CFAP20DC: variants seen among roughly 807,000 people sequenced by gnomAD.
The protein encoded by CFAP20DC is protein CFAP20DC.
CFAP20DC carries 84 observed loss-of-function variants against 101.7 expected under a neutral mutation model. The ratio of observed to expected loss-of-function variants is 0.83; its 90% CI spans 0.69 to 0.99. The LOEUF is 0.99. Among genes scored for constraint, CFAP20DC ranks in the 50% least tolerant of loss-of-function variants. The pLI, the probability that CFAP20DC is intolerant of heterozygous loss-of-function variation, is 0.00. For missense variants in CFAP20DC, 1,007 were observed against 970.3 expected (o/e 1.04, Z -0.50); for synonymous variants, 359 against 351.2 (o/e 1.02, Z -0.25).
rs375204045 is a variant in CFAP20DC, at chr3:58,959,357, G to A, written c.279-21595C>T. Among the ~76,000 whole-genome samples the A allele has an allele frequency of 5.3e-5, 8 of 152,334 alleles. No homozygotes were observed. In the East Asian group the frequency reaches 7.7e-4, roughly 15 times the overall value. On this transcript the variant is annotated intron_variant, in intron 4 of 16. Coordinates refer to ENST00000482387, the MANE Select transcript of CFAP20DC (RefSeq NM_001394063.1). ...CATACACCTGCCTCAGCCTCCCAAAGTGTTGGGATTACAGGCGTAAGCCAC... is the reference window on the plus strand; with the variant it reads ...CATACACCTGCCTCAGCCTCCCAAAATGTTGGGATTACAGGCGTAAGCCAC...
intron 14 of CFAP20DC, among the ~76,000 whole-genome samples, chr3:58,827,449 A>T (rs1467353002): frequency 6.6e-6 from 1 of 151,612 alleles, no homozygotes; most frequent in South Asian, 2.1e-4. Flanking sequence ...GAGACAAGCA[A>T]AACTCATTTC....
intron 4 of CFAP20DC, chr3:59,018,599 T>G (rs1404964390): frequency 6.6e-6 from 1 of 152,042 alleles, no homozygotes. Context: ...CAAACTCAAT[T>G]AAGGGGCATT....
At chr3:58,838,244 T>C (rs982036559) in intron 13 of CFAP20DC, among the ~76,000 whole-genome samples, 3 of 152,098 alleles carry the variant, frequency 2.0e-5, no homozygotes, top group African/African-American at 4.8e-5. Flanking sequence ...AGGGTTGCTA[T>C]ATTGAGTTAC....
intron 14 of CFAP20DC, among the ~76,000 whole-genome samples, chr3:58,828,360 G>A (rs182601818): frequency 1.1e-4 from 17 of 152,286 alleles, no homozygotes; most frequent in Admixed American, 8.5e-4. Context: ...GAAATTTGAC[G>A]TCAGAGCTGA....
At chr3:58,990,739 T>C (rs899530821) in intron 4 of CFAP20DC, among the ~76,000 whole-genome samples, 3 of 147,666 alleles carry the variant, frequency 2.0e-5, no homozygotes, top group African/African-American at 5.3e-5. Context: ...ATTTTCAGAT[T>C]TAGGATGCTC....
intron 15 of CFAP20DC, among the ~76,000 whole-genome samples, chr3:58,757,314 T>C (rs189538463): frequency 6.6e-6 from 1 of 152,152 alleles, no homozygotes; most frequent in Non-Finnish European, 1.5e-5. Flanking sequence ...TCATTATACG[T>C]GGAGTTGACT....
chr3:58,954,558 G>C (rs529427845), intron 4 of CFAP20DC, among the ~76,000 whole-genome samples: 1 of 152,102 alleles, frequency 6.6e-6, no homozygotes, highest in Non-Finnish European at 1.5e-5. Context: ...AAAACGTTTC[G>C]ATATATATTA....
At chr3:58,816,443 G>A (rs990662967) in intron 14 of CFAP20DC, among the ~76,000 whole-genome samples, 13 of 152,144 alleles carry the variant, frequency 8.5e-5, no homozygotes, top group Middle Eastern at 3.2e-3. Context: ...TGCACCGTGC[G>A]CGAGCCGAAG....
chr3:58,831,564 T>C (rs760282059), intron 14 of CFAP20DC, 122 bp downstream of exon 14: 28 of 712,062 alleles, frequency 3.9e-5, no homozygotes, highest in Non-Finnish European at 6.2e-5. Context: ...TGGACTCTGA[T>C]TATTTCTCAT....
chr3:58,959,829 A>G (rs61263047), intron 4 of CFAP20DC, among the ~76,000 whole-genome samples: 9,917 of 152,250 alleles, frequency 0.065, 1,057 homozygotes, highest in African/African-American at 0.22. Context: ...AAAAAAGTCT[A>G]ATGAATTTGC....
In CFAP20DC at chr3:58,788,995, A is replaced by G. The variant is rs998931583; in HGVS notation, c.2237+17400T>C. 1.3e-5 allele frequency among the ~76,000 whole-genome samples: 2 copies of G among 152,184 alleles called. No homozygotes were observed. The highest frequency in any genetic ancestry group is 4.8e-5 in the African/African-American group (2 of 41,452). On this transcript the variant is annotated intron_variant, in intron 15 of 16. Coordinates refer to ENST00000482387, the MANE Select transcript of CFAP20DC (RefSeq NM_001394063.1). This position sits in a 1 kb window ranked among gnomAD's most constrained non-coding sequence, Gnocchi z 4.2. ...AAGGGAACCCATATAGTTCAAACCC[A>G]TGTTGTTCAAGGGTCAACTGTAACA...
chr3:58,805,003 T>C (rs968216098), intron 15 of CFAP20DC, among the ~76,000 whole-genome samples: 1 of 152,184 alleles, frequency 6.6e-6, no homozygotes, highest in Non-Finnish European at 1.5e-5. Flanking sequence ...ATCTGTGTCA[T>C]GAATATTCTG....
At chr3:58,844,669 A>G (rs2077459793) in intron 13 of CFAP20DC, among the ~76,000 whole-genome samples, 1 of 126,228 alleles carries the variant, frequency 7.9e-6, no homozygotes. Flanking sequence ...GACCTAATAG[A>G]CATCTACAGA....
At position 58,817,484 on chromosome 3, in the gene CFAP20DC, G is replaced by A. The variant is rs532481338; in HGVS notation, c.2176-11028C>T. On this transcript the variant is annotated intron_variant, in intron 14 of 16. Transcript: ENST00000482387. ...CTGAAAACCAAGGCTCGAGAACTAC[G>A]TGAAGAATGCAGAAGCCTCAGGAGC... Among the ~76,000 whole-genome samples, 11 of 147,538 alleles carry A rather than the reference G, an allele frequency of 7.5e-5. No homozygotes were observed. The East Asian group carries it at 7.9e-4, about 11-fold the overall frequency.
chr3:58,821,001 T>C (rs1430731007), intron 14 of CFAP20DC, among the ~76,000 whole-genome samples: 5 of 151,536 alleles, frequency 3.3e-5, no homozygotes, highest in African/African-American at 9.7e-5. Context: ...ATATCTACAA[T>C]TATCTGATCT....
At chr3:58,801,989 T>C (rs1438450488) in intron 15 of CFAP20DC, among the ~76,000 whole-genome samples, 1 of 152,218 alleles carries the variant, frequency 6.6e-6, no homozygotes, top group Non-Finnish European at 1.5e-5. Flanking sequence ...ATTTAGAACC[T>C]TGCAAAGCCT....
chr3:59,040,423 C>A (rs2109237557), intron 3 of CFAP20DC, among the ~76,000 whole-genome samples: 1 of 152,108 alleles, frequency 6.6e-6, no homozygotes, highest in East Asian at 1.9e-4. Flanking sequence ...CTTGATCTCT[C>A]AATTATGGTG....
At chr3:58,867,751 G>T in intron 10 of CFAP20DC, 66 bp downstream of exon 10, 1 of 1,575,190 alleles carries the variant, frequency 6.3e-7, no homozygotes, top group African/African-American at 1.3e-5. Context: ...TTTACAACCT[G>T]CAGAGAGAGA....
At chr3:58,984,414 C>A (rs557816349) in intron 4 of CFAP20DC, among the ~76,000 whole-genome samples, 3 of 152,232 alleles carry the variant, frequency 2.0e-5, no homozygotes, top group Admixed American at 1.3e-4. Flanking sequence ...TTAGCCCCAC[C>A]AAACCACATG....
Sources: gnomAD v4.1 joint callset for allele counts (sites outside exome capture counted in the v4.1 genomes callset) on GRCh38, gnomAD v4.1.1 for gene constraint, Gnocchi (gnomAD v3.1) non-coding constraint, MANE v1.5 for transcripts, NCBI Gene and HGNC (gene_info 2026-07-23, HGNC 2026-07-21) for gene names.